The following FRY variants were observed in gnomAD, a reference collection of about 807,000 sequenced individuals.
FRY encodes FRY microtubule binding protein.
In FRY, 128 loss-of-function variants were observed where a neutral mutation model predicts 348.4. That is an observed-to-expected ratio of 0.37 (90% CI 0.32 to 0.43). The LOEUF is 0.43. Among genes scored for constraint, FRY ranks in the 20% least tolerant of loss-of-function variants. The probability of loss-of-function intolerance (pLI) is 1.00; values close to 1 mark genes in which losing one functional copy is unlikely to be tolerated. For synonymous variants in FRY, 1,370 were observed against 1,374.7 expected, an observed-to-expected ratio of 1.00 and a Z score of 0.08; for missense variants, 2,736 against 3,695.2, an observed-to-expected ratio of 0.74 and a Z score of 6.73.
Position 32,055,686 on chromosome 13 carries a change from A to C in FRY, c.71-23148A>C, listed in dbSNP as rs79052213. Among the ~76,000 whole-genome samples the C allele has an allele frequency of 3.6e-3, 549 of 152,346 alleles. 2 individuals are homozygous for C. Among genetic ancestry groups the C allele is most frequent in the South Asian group, 0.016 (77 of 4,832 alleles). Reference sequence around the variant, plus strand: ...GTGCAATAATCCTTCAAAACAGTATAATTAAAAGACTGAGGGCAACAGAAA... The same window carrying C: ...GTGCAATAATCCTTCAAAACAGTATCATTAAAAGACTGAGGGCAACAGAAA... On this transcript the variant is annotated intron_variant, in intron 1 of 60. Coordinates refer to ENST00000542859, the MANE Select transcript of FRY (RefSeq NM_023037.3).
intron 2 of FRY, among the ~76,000 whole-genome samples, chr13:32,088,554 C>T (rs761999019): frequency 2.0e-5 from 3 of 152,124 alleles, no homozygotes; most frequent in Non-Finnish European, 4.4e-5. Flanking sequence ...CAGATGAGCT[C>T]ATAAGTTTGT....
intron 58 of FRY, among the ~76,000 whole-genome samples, chr13:32,281,703 C>A (rs1323089934): frequency 6.6e-6 from 1 of 152,196 alleles, no homozygotes; most frequent in Non-Finnish European, 1.5e-5. Flanking sequence ...GCTTCCAGGC[C>A]TACATGTGTA....
In FRY at chr13:32,218,709, AC is replaced by A. The variant is rs765177839; in HGVS notation, c.4683-39del. 90 of 1,023,612 alleles carry A rather than the reference AC, an allele frequency of 8.8e-5. No homozygotes were observed. The South Asian group carries it at 1.1e-3, about 13-fold the overall frequency. 63.4% of individuals were successfully genotyped at this position (1,023,612 alleles called of 1,614,324 possible). ...AAAAAAAAAAAAAGCGCATATGCAC[AC>A]ATGTTAATATTTCATTCTGGTTGTT... On this transcript the variant is annotated intron_variant, in intron 35 of 60. Transcript: ENST00000542859.
intron 7 of FRY, among the ~76,000 whole-genome samples, chr13:32,130,943 G>A (rs9594985): frequency 0.014 from 2,117 of 151,810 alleles, 55 homozygotes; most frequent in African/African-American, 0.049. Flanking sequence ...AGCCTCTCAA[G>A]TAGCTGGGAT....
At chr13:32,192,946 T>C (rs1390072353) in intron 28 of FRY, among the ~76,000 whole-genome samples, 1 of 151,882 alleles carries the variant, frequency 6.6e-6, no homozygotes, top group Non-Finnish European at 1.5e-5. Flanking sequence ...TTTCACCACA[T>C]TGGCCAGGCT....
At chr13:32,053,499 G>A (rs990304914) in intron 1 of FRY, among the ~76,000 whole-genome samples, 3 of 152,174 alleles carry the variant, frequency 2.0e-5, no homozygotes, top group African/African-American at 4.8e-5. Flanking sequence ...TGACTTCATC[G>A]TCTTTGCAGA....
intron 33 of FRY, among the ~76,000 whole-genome samples, chr13:32,210,442 A>C (rs1884623358): frequency 6.6e-6 from 1 of 152,226 alleles, no homozygotes; most frequent in African/African-American, 2.4e-5. Flanking sequence ...AAAACCATAA[A>C]AACAGCTAAA....
intron 3 of FRY, among the ~76,000 whole-genome samples, chr13:32,109,180 G>A (rs1275173374): frequency 4.6e-5 from 7 of 152,174 alleles, no homozygotes; most frequent in Non-Finnish European, 1.0e-4. Context: ...TTGAGAAAAG[G>A]AGAAACAAAG....
At chr13:32,102,121 G>A in intron 3 of FRY, 105 bp downstream of exon 3, 6 of 758,700 alleles carry the variant, frequency 7.9e-6, no homozygotes, top group Non-Finnish European at 1.5e-5. Context: ...TCCTCAAAAA[G>A]TATATGGGTA....
intron 2 of FRY, 35 bp downstream of exon 2, chr13:32,079,068 A>AC: frequency 7.5e-7 from 1 of 1,330,294 alleles, no homozygotes; most frequent in Middle Eastern, 1.8e-4. Flanking sequence ...CTCTTTGAAA[A>AC]TTCATCTGTA....
intron 40 of FRY, among the ~76,000 whole-genome samples, chr13:32,230,930 A>G (rs948170008): frequency 6.6e-6 from 1 of 152,080 alleles, no homozygotes; most frequent in African/African-American, 2.4e-5. Context: ...CTTTTTTTAT[A>G]TAATTGTTGG....
At chr13:32,221,204 C>A (rs1336290916) in intron 36 of FRY, among the ~76,000 whole-genome samples, 1 of 152,184 alleles carries the variant, frequency 6.6e-6, no homozygotes, top group Non-Finnish European at 1.5e-5. Flanking sequence ...AGACACCCCT[C>A]CACCAGCTCT....
chr13:32,165,154 A>G (rs9595045), intron 17 of FRY, among the ~76,000 whole-genome samples: 1 of 152,208 alleles, frequency 6.6e-6, no homozygotes, highest in East Asian at 1.9e-4. Flanking sequence ...GAATTTTCCA[A>G]ATGTCATTGG....
intron 20 of FRY, among the ~76,000 whole-genome samples, chr13:32,176,136 C>T (rs1882345200): frequency 6.6e-6 from 1 of 152,286 alleles, no homozygotes; most frequent in African/African-American, 2.4e-5. Context: ...ACTCTCCTCC[C>T]CAGGTTTGGA....
intron 56 of FRY, 66 bp downstream of exon 56, chr13:32,275,057 T>C (rs1305475861): frequency 2.1e-6 from 3 of 1,407,320 alleles, no homozygotes; most frequent in East Asian, 4.6e-5. Flanking sequence ...AACTTCAGGG[T>C]AGCATGTTTG....
chr13:32,224,297 C>T lies in FRY; in HGVS notation c.4828C>T (p.Pro1610Ser). ...TATTACAGAGACCAAGCAGCCGCAGCCCTTACCGATGCCTTGTACTGGAGG... is the reference window on the plus strand; with the variant it reads ...TATTACAGAGACCAAGCAGCCGCAGTCCTTACCGATGCCTTGTACTGGAGG... ...LTITETKQPQ[P>S]LPMPCTGGCW... The change falls in exon 37 of 61, where the codon CCC becomes TCC. Residue 1610 changes from proline to serine, a missense_variant. Physicochemically the swap from Pro to Ser is moderately conservative, Grantham distance 74. Coordinates refer to ENST00000542859, the MANE Select transcript of FRY (RefSeq NM_023037.3). 6.2e-7 allele frequency: 1 copy of T among 1,614,006 alleles called. No individual in the cohort carries two copies.
intron 36 of FRY, among the ~76,000 whole-genome samples, chr13:32,220,036 A>T (rs1470120905): frequency 6.6e-6 from 1 of 152,244 alleles, no homozygotes; most frequent in Non-Finnish European, 1.5e-5. Flanking sequence ...AAGTTACAGA[A>T]ATTCTGAAAC....
At chr13:32,054,034 A>T (rs1873488935) in intron 1 of FRY, among the ~76,000 whole-genome samples, 1 of 152,202 alleles carries the variant, frequency 6.6e-6, no homozygotes, top group Admixed American at 6.5e-5. Context: ...TTGTTAAATG[A>T]AAATAGTTGT....
intron 1 of FRY, among the ~76,000 whole-genome samples, chr13:32,045,130 G>A (rs191815443): frequency 6.4e-4 from 97 of 152,140 alleles, no homozygotes; most frequent in Middle Eastern, 6.8e-3. Flanking sequence ...CTGAACCTGT[G>A]ACTTCATCTC....
Sources: gnomAD v4.1 joint callset for allele counts (sites outside exome capture counted in the v4.1 genomes callset) on GRCh38, gnomAD v4.1.1 for gene constraint, MANE v1.5 for transcripts, NCBI Gene and HGNC (gene_info 2026-07-23, HGNC 2026-07-21) for gene names.